SSR1: variants seen among roughly 807,000 people sequenced by gnomAD.
The protein encoded by SSR1 is translocon-associated protein subunit alpha.
SSR1 carries 13 observed loss-of-function variants against 36.1 expected under a neutral mutation model. The observed-to-expected ratio is 0.36, with a 90% CI of 0.23 to 0.57. SSR1 has a LOEUF of 0.57. Among genes scored for constraint, SSR1 ranks in the 20% least tolerant of loss-of-function variants. The pLI is 0.81. For synonymous variants in SSR1, 113 were observed against 118.9 expected (o/e 0.95, Z 0.32); for missense variants, 291 against 338.5 (o/e 0.86, Z 1.10).
At chr6:7,306,289 C>T (rs1363531978) in intron 2 of SSR1, among the ~76,000 whole-genome samples, 2 of 151,958 alleles carry the variant, frequency 1.3e-5, no homozygotes, top group East Asian at 2.0e-4. Context: ...ACTACAGGTG[C>T]CCACCACCAC....
chr6:7,294,405 G>C (rs528359734), intron 7 of SSR1, among the ~76,000 whole-genome samples: 125 of 152,228 alleles, frequency 8.2e-4, no homozygotes, highest in Non-Finnish European at 1.3e-3. Flanking sequence ...ATGAAAAATA[G>C]GGCCGGGCGT....
chr6:7,310,103 AGGC>A, intron 1 of SSR1, 74 bp from the exon 2 acceptor site: 2 of 1,283,670 alleles, frequency 1.6e-6, no homozygotes, highest in Admixed American at 4.0e-5. Context: ...CATCAGGTAT[AGGC>A]AAAAAAAACT....
rs1261937089 is a variant in SSR1, at chr6:7,286,380, T to G, written c.*3484A>C. ...TCATAAGCACCCGAAATAAATTATT[T>G]AGATGTTTGCAAGTCAGCTGCAAGG... On this transcript the variant is annotated 3_prime_UTR_variant, in exon 8 of 8. Transcript: ENST00000244763. 1 of 152,222 alleles carries G rather than the reference T, an allele frequency of 6.6e-6. No individual in the cohort carries two copies. The highest frequency in any genetic ancestry group is 1.9e-4 in the East Asian group (1 of 5,198). The allele number at this position is 152,222 out of a possible 1,614,324, so 9.4% of individuals were successfully genotyped here.
At chr6:7,294,093 TAA>T (rs1366933415) in intron 7 of SSR1, among the ~76,000 whole-genome samples, 2 of 152,274 alleles carry the variant, frequency 1.3e-5, no homozygotes, top group East Asian at 3.9e-4. Context: ...AATTTATATA[TAA>T]GAATATTCAT....
chr6:7,306,760 C>G (rs970034986), intron 2 of SSR1, among the ~76,000 whole-genome samples: 1 of 151,498 alleles, frequency 6.6e-6, no homozygotes, highest in African/African-American at 2.4e-5. Flanking sequence ...ACTAAAAATA[C>G]AAAAAATTAG....
intron 2 of SSR1, among the ~76,000 whole-genome samples, chr6:7,304,656 A>G (rs1237431252): frequency 6.6e-6 from 1 of 152,212 alleles, no homozygotes; most frequent in East Asian, 1.9e-4. Flanking sequence ...TATCTCAACA[A>G]ATTTTTTTAA....
chr6:7,296,898 AT>A (rs1757808947), intron 6 of SSR1: 1 of 153,624 alleles, frequency 6.5e-6, no homozygotes, highest in African/African-American at 2.4e-5. Flanking sequence ...GGACTTGTTT[AT>A]TAATTAAGGA....
intron 3 of SSR1, 77 bp from the exon 4 acceptor site, chr6:7,301,649 G>T: frequency 7.0e-7 from 1 of 1,431,636 alleles, no homozygotes; most frequent in Non-Finnish European, 9.4e-7. Context: ...ATTACTAATG[G>T]ATTCTGGCAC....
At chr6:7,303,138 TAA>T (rs35763826) in intron 3 of SSR1, among the ~76,000 whole-genome samples, 5 of 42,918 alleles carry the variant, frequency 1.2e-4, no homozygotes, top group African/African-American at 4.4e-4. Context: ...GACTACATCT[TAA>T]AAAAAAAAAA....
Position 7,283,258 on chromosome 6 carries a change from C to CT in SSR1, c.*6605dup, listed in dbSNP as rs960373153. ...CCTCGCTCGGCTAATTGTTTTTGTT[C>CT]TTTTTTGAGATGGAGTCTCGTTCTA... On this transcript the variant is annotated 3_prime_UTR_variant, in exon 8 of 8. Transcript: ENST00000244763. 1.3e-4 allele frequency: 20 copies of CT among 150,748 alleles called. No homozygotes were observed. The highest frequency in any genetic ancestry group is 4.6e-4 in the African/African-American group (19 of 41,064). The allele number at this position is 150,748 out of a possible 1,614,324, so 9.3% of individuals were successfully genotyped here. A position where few individuals can be genotyped will look rare whatever the true frequency, so the allele number is the denominator to read the frequency against.
chr6:7,298,748 T>G lies in SSR1; in HGVS notation c.619A>C (p.Thr207Pro). 1 of 1,611,842 alleles carries G rather than the reference T, an allele frequency of 6.2e-7. No homozygotes were observed. Among genetic ancestry groups the G allele is most frequent in the Non-Finnish European group, 8.5e-7 (1 of 1,178,358 alleles). The change falls in exon 5 of 8, where the codon ACA (threonine) becomes CCA (proline). Residue 207 changes from threonine to proline, a missense_variant and splice_region_variant. Transcript: ENST00000244763. ...IEREDGLDGE[T>P]IFMYMFLAGL... ...CTACATACTACAACTTTCACTTACGTTTCTCCATCTAACCCATCCTCTCTT... is the reference window on the plus strand; with the variant it reads ...CTACATACTACAACTTTCACTTACGGTTCTCCATCTAACCCATCCTCTCTT...
In SSR1 at chr6:7,286,647, C is replaced by G. The variant is rs781760346; in HGVS notation, c.*3217G>C. 6.6e-6 allele frequency: 1 copy of G among 152,190 alleles called. No homozygotes were observed. Among genetic ancestry groups the G allele is most frequent in the Non-Finnish European group, 1.5e-5 (1 of 68,060 alleles). 9.4% of individuals were successfully genotyped at this position (152,190 alleles called of 1,614,324 possible). Reference sequence around the variant, plus strand: ...ACAGTGGGCCGGGCACAGTGGCTCACGCCTGTAATCCCAGCACACTTTGGG... The same window carrying G: ...ACAGTGGGCCGGGCACAGTGGCTCAGGCCTGTAATCCCAGCACACTTTGGG... On this transcript the variant is annotated 3_prime_UTR_variant, in exon 8 of 8. Coordinates refer to ENST00000244763, the MANE Select transcript of SSR1 (RefSeq NM_003144.5).
chr6:7,306,963 A>T (rs1260493507), intron 2 of SSR1, among the ~76,000 whole-genome samples: 1 of 151,534 alleles, frequency 6.6e-6, no homozygotes, highest in Non-Finnish European at 1.5e-5. Flanking sequence ...AAAAAAAAAA[A>T]AAAGGTTTGT....
intron 2 of SSR1, among the ~76,000 whole-genome samples, chr6:7,305,516 G>C (rs1469613893): frequency 6.6e-6 from 1 of 152,218 alleles, no homozygotes; most frequent in Admixed American, 6.5e-5. Context: ...GTAAAGATAA[G>C]TAGGTGCAGC....
intron 2 of SSR1, among the ~76,000 whole-genome samples, chr6:7,309,429 T>G (rs977824839): frequency 5.3e-5 from 8 of 152,350 alleles, no homozygotes; most frequent in Non-Finnish European, 1.0e-4. Flanking sequence ...GCCACTGCAC[T>G]CCAGCCTGGG....
At chr6:7,306,880 G>A (rs1051531865) in intron 2 of SSR1, among the ~76,000 whole-genome samples, 4 of 141,328 alleles carry the variant, frequency 2.8e-5, no homozygotes, top group Admixed American at 7.0e-5. Context: ...CCACGCCACT[G>A]CACTCCAGCC....
At chr6:7,295,310 GTT>G in intron 7 of SSR1, 80 bp downstream of exon 7, 2 of 1,160,074 alleles carry the variant, frequency 1.7e-6, no homozygotes, top group Non-Finnish European at 1.2e-6. Context: ...TACTGAAAAA[GTT>G]TTTTTTTTAA....
At position 7,286,148 on chromosome 6, in the gene SSR1, G is replaced by A. The variant is rs1486995016; in HGVS notation, c.*3716C>T. 6.6e-6 allele frequency: 1 copy of A among 152,070 alleles called. No homozygotes were observed. The highest frequency in any genetic ancestry group is 1.5e-5 in the Non-Finnish European group (1 of 68,018). 9.4% of individuals were successfully genotyped at this position (152,070 alleles called of 1,614,324 possible). On this transcript the variant is annotated 3_prime_UTR_variant, in exon 8 of 8. Coordinates refer to ENST00000244763, the MANE Select transcript of SSR1 (RefSeq NM_003144.5). ...ATGACTAGAAAACAAACAGAACACA[G>A]CACGTGATTGATGTTTAATAAATGA...
At chr6:7,308,344 A>C (rs1318641324) in intron 2 of SSR1, among the ~76,000 whole-genome samples, 1 of 152,192 alleles carries the variant, frequency 6.6e-6, no homozygotes, top group Non-Finnish European at 1.5e-5. Flanking sequence ...ATTCCATAAA[A>C]ATGAAAGTAA....
Sources: allele counts gnomAD v4.1 joint callset (sites outside exome capture counted in the v4.1 genomes callset), GRCh38; gene constraint gnomAD v4.1.1; transcripts MANE v1.5; gene names NCBI Gene and HGNC (gene_info 2026-07-23, HGNC 2026-07-21).